C10orf90: variants seen among roughly 807,000 people sequenced by gnomAD.
C10orf90 encodes the protein chromosome 10 open reading frame 90, also known as (E2-independent) E3 ubiquitin-conjugating enzyme FATS.
In C10orf90, 56 loss-of-function variants were observed where a neutral mutation model predicts 62.5. The observed-to-expected ratio is 0.90, with a 90% CI of 0.72 to 1.12. C10orf90 has a LOEUF of 1.12. Among genes scored for constraint, C10orf90 ranks in the 50% most tolerant of loss-of-function variants. C10orf90 has a pLI of 0.00. For synonymous variants in C10orf90, 386 were observed against 340.4 expected, an observed-to-expected ratio of 1.13 and a Z score of -1.47; for missense variants, 970 against 880.4, an observed-to-expected ratio of 1.10 and a Z score of -1.29.
chr10:126,459,440 C>G (rs1425815775), intron 6 of C10orf90, among the ~76,000 whole-genome samples: 2 of 152,248 alleles, frequency 1.3e-5, no homozygotes, highest in Admixed American at 1.3e-4. Flanking sequence ...AGCGCCGAGG[C>G]CCCTGCTGCA....
At chr10:126,499,711 A>G (rs1024485215) in intron 4 of C10orf90, among the ~76,000 whole-genome samples, 2 of 152,180 alleles carry the variant, frequency 1.3e-5, no homozygotes, top group Admixed American at 6.5e-5. Context: ...GCTAAACTCC[A>G]CCGAGGACAT....
intron 2 of C10orf90, among the ~76,000 whole-genome samples, chr10:126,578,579 C>A (rs1379227056): frequency 1.3e-5 from 2 of 152,144 alleles, no homozygotes; most frequent in Non-Finnish European, 2.9e-5. Flanking sequence ...TTTGGCATGT[C>A]CTATGATCCA....
intron 3 of C10orf90, among the ~76,000 whole-genome samples, chr10:126,510,340 G>C (rs866878165): frequency 7.8e-4 from 118 of 152,218 alleles, no homozygotes; most frequent in African/African-American, 2.7e-3. Flanking sequence ...TAAGTCAGCC[G>C]ACTACTTTTA....
At chr10:126,455,524 G>A (rs1351990693) in intron 7 of C10orf90, among the ~76,000 whole-genome samples, 1 of 152,190 alleles carries the variant, frequency 6.6e-6, no homozygotes, top group Non-Finnish European at 1.5e-5. Context: ...GCACTGTGTG[G>A]GTTCTCAAAC....
At chr10:126,662,809 A>G (rs1846544514) in intron 1 of C10orf90, among the ~76,000 whole-genome samples, 1 of 148,540 alleles carries the variant, frequency 6.7e-6, no homozygotes, top group South Asian at 2.2e-4. Context: ...ATTCTTGCTG[A>G]GTTCTCTGGA....
intron 2 of C10orf90, among the ~76,000 whole-genome samples, chr10:126,530,496 C>A (rs1446391149): frequency 1.3e-5 from 2 of 151,554 alleles, no homozygotes; most frequent in Non-Finnish European, 2.9e-5. Context: ...ATACAAATTG[C>A]TTGAAAAAAA....
chr10:126,650,060 G>A (rs1219855096), intron 1 of C10orf90, among the ~76,000 whole-genome samples: 2 of 152,176 alleles, frequency 1.3e-5, no homozygotes, highest in Non-Finnish European at 2.9e-5. Context: ...GAGTTAACAG[G>A]AGATGCCAGC....
intron 3 of C10orf90, among the ~76,000 whole-genome samples, chr10:126,511,566 G>GTT (rs199794569): frequency 3.4e-5 from 5 of 145,718 alleles, no homozygotes; most frequent in Admixed American, 1.4e-4. Flanking sequence ...AAGAATCGCT[G>GTT]TTTTTTTTTT....
intron 4 of C10orf90, among the ~76,000 whole-genome samples, chr10:126,482,799 G>A (rs2133808281): frequency 6.6e-6 from 1 of 152,300 alleles, no homozygotes; most frequent in East Asian, 1.9e-4. Context: ...AAAACAAGAT[G>A]ATCAGGCTTT....
chr10:126,575,822 T>C lies in C10orf90; in HGVS notation c.314-61883A>G, dbSNP rs547764152. Reference sequence around the variant, plus strand: ...TTGACAAAGGTGCCAAGAACACTCATTGGATAATCTCTTCAATATATAGTG... The same window carrying C: ...TTGACAAAGGTGCCAAGAACACTCACTGGATAATCTCTTCAATATATAGTG... On this transcript the variant is annotated intron_variant, in intron 2 of 9. Coordinates refer to ENST00000488181, the MANE Select transcript of C10orf90 (RefSeq NM_001350921.2). Among the ~76,000 whole-genome samples the C allele has an allele frequency of 8.6e-5, 13 of 151,918 alleles. No homozygotes were observed. The East Asian group carries it at 2.1e-3, about 25-fold the overall frequency.
At chr10:126,612,871 T>G (rs1845467530) in intron 2 of C10orf90, among the ~76,000 whole-genome samples, 1 of 152,216 alleles carries the variant, frequency 6.6e-6, no homozygotes, top group Non-Finnish European at 1.5e-5. Flanking sequence ...CAATTAATAC[T>G]TTTCAGCTTC....
intron 2 of C10orf90, among the ~76,000 whole-genome samples, chr10:126,556,510 G>A (rs1864776419): frequency 6.6e-6 from 1 of 152,002 alleles, no homozygotes; most frequent in Non-Finnish European, 1.5e-5. Flanking sequence ...TTCAATAAAT[G>A]TACGGTATAT....
chr10:126,562,288 C>T (rs61864681), intron 2 of C10orf90, among the ~76,000 whole-genome samples: 10,883 of 152,250 alleles, frequency 0.071, 705 homozygotes, highest in African/African-American at 0.17. Context: ...CTCCCTTACC[C>T]CCTGCCCTCC....
intron 4 of C10orf90, among the ~76,000 whole-genome samples, chr10:126,503,256 A>G (rs1022017210): frequency 1.3e-5 from 2 of 152,194 alleles, no homozygotes; most frequent in African/African-American, 2.4e-5. Flanking sequence ...TCCTCAGGGC[A>G]ACCCATCCTG....
chr10:126,493,013 T>G (rs1324676409), intron 4 of C10orf90, among the ~76,000 whole-genome samples: 2 of 152,030 alleles, frequency 1.3e-5, no homozygotes, highest in Non-Finnish European at 2.9e-5. Context: ...TAAAAAGCAG[T>G]TTAAATAAAG....
At chr10:126,454,031 T>C (rs1859372509) in intron 7 of C10orf90, among the ~76,000 whole-genome samples, 1 of 152,028 alleles carries the variant, frequency 6.6e-6, no homozygotes, top group African/African-American at 2.4e-5. Context: ...TAGAAGGAGA[T>C]AACCAGGGCC....
chr10:126,431,040 A>G (rs186170092), intron 7 of C10orf90, among the ~76,000 whole-genome samples: 4 of 152,352 alleles, frequency 2.6e-5, no homozygotes, highest in Admixed American at 2.6e-4. Flanking sequence ...ATGAAAAAGA[A>G]TATGGCACCA....
At chr10:126,446,790 A>G (rs1858814000) in intron 7 of C10orf90, among the ~76,000 whole-genome samples, 1 of 152,212 alleles carries the variant, frequency 6.6e-6, no homozygotes, top group South Asian at 2.1e-4. Flanking sequence ...AGAAAGGTTA[A>G]GTGACAAAAC....
intron 7 of C10orf90, among the ~76,000 whole-genome samples, chr10:126,430,124 C>T (rs1312451147): frequency 1.3e-5 from 2 of 152,148 alleles, no homozygotes; most frequent in Admixed American, 1.3e-4. Flanking sequence ...TGAATGCTTC[C>T]TTTAGCAACA....
Sources: gnomAD v4.1 joint callset for allele counts (sites outside exome capture counted in the v4.1 genomes callset) on GRCh38, gnomAD v4.1.1 for gene constraint, MANE v1.5 for transcripts, NCBI Gene and HGNC (gene_info 2026-07-23, HGNC 2026-07-21) for gene names.